Variants in SLC12A2 observed in about 807,000 individuals in gnomAD.
SLC12A2 encodes the protein solute carrier family 12 member 2.
A neutral mutation model predicts 136.3 loss-of-function variants in SLC12A2; 67 were observed. The observed-to-expected ratio is 0.49, with a 90% CI of 0.40 to 0.60. SLC12A2 has a LOEUF of 0.60. Ranked by LOEUF, SLC12A2 falls within the 20% of genes least tolerant of loss-of-function variation. The pLI is 0.00. For synonymous variants in SLC12A2, 619 were observed against 562.9 expected (o/e 1.10, Z -1.41); for missense variants, 1,322 against 1,534.7 (o/e 0.86, Z 2.32).
At position 128,146,730 on chromosome 5, in the gene SLC12A2, G is replaced by A. The variant is rs183049823; in HGVS notation, c.1774-892G>A. On this transcript the variant is annotated intron_variant, in intron 10 of 26. Coordinates refer to ENST00000262461, the MANE Select transcript of SLC12A2 (RefSeq NM_001046.3). ...CCTAGACTTTATATCATATCTTTTC[G>A]CTGGAAATATTTCCACATTTAGCTC... Among the ~76,000 whole-genome samples the A allele has an allele frequency of 1.6e-4, 24 of 151,206 alleles. No homozygotes were observed. In the East Asian group the frequency reaches 1.9e-3, roughly 12 times the overall value.
In SLC12A2 at chr5:128,114,459, T is replaced by C. The variant is rs1016951665; in HGVS notation, c.953-127T>C. ...TAATTCTGATTTGGTTTTTATAAAA[T>C]GAGATCAAAATTGGGTAATTTATAA... On this transcript the variant is annotated intron_variant, in intron 3 of 26. Transcript: ENST00000262461. 3 of 833,054 alleles carry C rather than the reference T, an allele frequency of 3.6e-6. No homozygotes were observed. The African/African-American group carries it at 5.2e-5, about 14-fold the overall frequency. 51.6% of individuals were successfully genotyped at this position (833,054 alleles called of 1,614,324 possible). A position where few individuals can be genotyped will look rare whatever the true frequency, so the allele number is the denominator to read the frequency against.
intron 4 of SLC12A2, among the ~76,000 whole-genome samples, chr5:128,115,705 A>G (rs1761320978): frequency 6.6e-6 from 1 of 152,200 alleles, no homozygotes; most frequent in Admixed American, 6.5e-5. Flanking sequence ...CTGAGAAAAG[A>G]TCTATTTCAT....
Position 128,145,705 on chromosome 5 carries a change from G to A in SLC12A2, c.1774-1917G>A, listed in dbSNP as rs114733471. ...GGAAAGATGTTTAGTCAACAGGGTG[G>A]TTTATGTGTACATGAAATCAGACTT... On this transcript the variant is annotated intron_variant, in intron 10 of 26. Coordinates refer to ENST00000262461, the MANE Select transcript of SLC12A2 (RefSeq NM_001046.3). Among the ~76,000 whole-genome samples the A allele has an allele frequency of 7.4e-3, 1,126 of 152,036 alleles. 14 individuals carry two copies. Among genetic ancestry groups the A allele is most frequent in the African/African-American group, 0.025 (1,051 of 41,506 alleles).
At chr5:128,142,964 C>G (rs1762421225) in intron 10 of SLC12A2, among the ~76,000 whole-genome samples, 1 of 152,072 alleles carries the variant, frequency 6.6e-6, no homozygotes, top group African/African-American at 2.4e-5. Flanking sequence ...TTTGGTGCCC[C>G]TATCACCCAA....
chr5:128,154,168 T>C (rs1762800612), intron 15 of SLC12A2, among the ~76,000 whole-genome samples: 1 of 152,028 alleles, frequency 6.6e-6, no homozygotes, highest in Non-Finnish European at 1.5e-5. Context: ...TCCCATCACT[T>C]TGGGAGGCTG....
intron 1 of SLC12A2, among the ~76,000 whole-genome samples, chr5:128,085,634 C>T (rs1760073806): frequency 6.6e-6 from 1 of 152,168 alleles, no homozygotes; most frequent in Non-Finnish European, 1.5e-5. Flanking sequence ...TGAAGTCTTC[C>T]TTTACAAGTG....
In SLC12A2 at chr5:128,167,643, A is replaced by C. The variant is rs145140777; in HGVS notation, c.2617-118A>C. 6.7e-6 allele frequency: 4 copies of C among 593,018 alleles called. No individual in the cohort carries two copies. The African/African-American group carries it at 7.8e-5, about 12-fold the overall frequency. The allele number at this position is 593,018 out of a possible 1,614,324, so 36.7% of individuals were successfully genotyped here. On this transcript the variant is annotated intron_variant, in intron 17 of 26. Transcript: ENST00000262461. ...AGTAAATATGAATATGGAATGCTGA[A>C]GAATTTTTGTTAAGAGTGTCTATAG...
intron 21 of SLC12A2, 104 bp from the exon 22 acceptor site, chr5:128,178,462 AG>A (rs1763601024): frequency 1.4e-6 from 1 of 707,916 alleles, no homozygotes; most frequent in Admixed American, 3.7e-5. Context: ...AATTATCTGT[AG>A]TATAAACATC....
At position 128,100,118 on chromosome 5, in the gene SLC12A2, G is replaced by T. The variant is rs567741773; in HGVS notation, c.757-12696G>T. On this transcript the variant is annotated intron_variant, in intron 1 of 26. Transcript: ENST00000262461. Reference sequence around the variant, plus strand: ...ACCACAAACTCATGAGAAATGCATCGCACTGTGCTCTTAGAATGGCTACCA... The same window carrying T: ...ACCACAAACTCATGAGAAATGCATCTCACTGTGCTCTTAGAATGGCTACCA... 3.3e-5 allele frequency among the ~76,000 whole-genome samples: 5 copies of T among 152,170 alleles called. No homozygotes were observed. The East Asian group carries it at 7.7e-4, about 23-fold the overall frequency.
rs551715964 is a variant in SLC12A2, at chr5:128,084,408, G to A, written c.454G>A (p.Ala152Thr). 4.3e-6 allele frequency: 7 copies of A among 1,611,200 alleles called. No individual in the cohort carries two copies. The highest frequency in any genetic ancestry group is 1.3e-5 in the African/African-American group (1 of 74,896). Residue 152 changes from alanine (A) to threonine (T), a missense_variant, in exon 1 of 27, where the codon GCT becomes ACT. Transcript: ENST00000262461. This position sits in a 1 kb window ranked among gnomAD's most constrained non-coding sequence, Gnocchi z 5.6. ...NFVDPAASSS[A>T]EDSLSDAAGV... is the part of the protein sequence containing the mutation. ...CGTGGACCCAGCTGCCTCCTCGTCG[G>A]CTGAAGACAGCCTGTCAGATGCTGC...
chr5:128,131,875 C>G (rs1762035039), intron 5 of SLC12A2, among the ~76,000 whole-genome samples: 3 of 151,926 alleles, frequency 2.0e-5, no homozygotes, highest in Admixed American at 1.3e-4. Context: ...TGTGGTGGCG[C>G]ATGCCTGTAA....
chr5:128,093,317 G>A (rs538127246), intron 1 of SLC12A2, among the ~76,000 whole-genome samples: 88 of 152,046 alleles, frequency 5.8e-4, no homozygotes, highest in African/African-American at 2.0e-3. Flanking sequence ...GGCTTTATTT[G>A]GACTTTTCTC....
chr5:128,132,005 CAAAAAAGA>C (rs1481886568), intron 5 of SLC12A2, among the ~76,000 whole-genome samples: 4 of 151,280 alleles, frequency 2.6e-5, no homozygotes, highest in East Asian at 3.9e-4. Context: ...AACTCTGTCT[CAAAAAAGA>C]AAAAAAGAAA....
intron 18 of SLC12A2, chr5:128,168,818 T>C (rs1437250965): frequency 6.6e-6 from 1 of 152,262 alleles, no homozygotes; most frequent in Non-Finnish European, 1.5e-5. Context: ...CACCTGCCCA[T>C]GGCTCACCTT....
At chr5:128,176,660 A>G (rs1763551197) in intron 20 of SLC12A2, among the ~76,000 whole-genome samples, 2 of 151,972 alleles carry the variant, frequency 1.3e-5, no homozygotes, top group South Asian at 4.1e-4. Flanking sequence ...AATTTTTTAC[A>G]AACAACAAAT....
intron 1 of SLC12A2, among the ~76,000 whole-genome samples, chr5:128,095,221 G>A (rs540717923): frequency 2.7e-4 from 41 of 152,206 alleles, no homozygotes; most frequent in Non-Finnish European, 5.1e-4. Context: ...GTCTTTAAAG[G>A]CCTGTGAATA....
At chr5:128,131,299 A>G in intron 5 of SLC12A2, 93 bp downstream of exon 5, 1 of 1,232,792 alleles carries the variant, frequency 8.1e-7, no homozygotes, top group Non-Finnish European at 1.2e-6. Flanking sequence ...AAGCAGTGAT[A>G]TGATGACCAA....
chr5:128,135,316 G>T (rs1460807671), intron 6 of SLC12A2, among the ~76,000 whole-genome samples: 1 of 151,978 alleles, frequency 6.6e-6, no homozygotes, highest in African/African-American at 2.4e-5. Context: ...TTTGTGTCCA[G>T]CATGTTCTCC....
At chr5:128,164,373 A>G (rs1162166766) in intron 17 of SLC12A2, among the ~76,000 whole-genome samples, 2 of 152,208 alleles carry the variant, frequency 1.3e-5, no homozygotes, top group South Asian at 2.1e-4. Flanking sequence ...GCAGTGGACC[A>G]TGACAACTCT....
Sources: allele counts gnomAD v4.1 joint callset (sites outside exome capture counted in the v4.1 genomes callset), GRCh38; gene constraint gnomAD v4.1.1; non-coding constraint Gnocchi (gnomAD v3.1); transcripts MANE v1.5; gene names NCBI Gene and HGNC (gene_info 2026-07-23, HGNC 2026-07-21).